MKNK2: variants seen among roughly 807,000 people sequenced by gnomAD.
MKNK2 encodes the protein MAP kinase-interacting serine/threonine-protein kinase 2.
MKNK2 carries 54 observed loss-of-function variants against 55.0 expected under a neutral mutation model. The ratio of observed to expected loss-of-function variants is 0.98; its 90% CI spans 0.79 to 1.23. MKNK2 has a LOEUF of 1.23. MKNK2 is among the 50% of genes most tolerant of loss of function. MKNK2 has a pLI of 0.00. For missense variants in MKNK2, 685 were observed against 632.1 expected, an observed-to-expected ratio of 1.08 and a Z score of -0.90; for synonymous variants, 323 against 256.0, an observed-to-expected ratio of 1.26 and a Z score of -2.50.
intron 12 of MKNK2, chr19:2,040,827 C>T (rs2016861448): frequency 5.1e-6 from 3 of 585,978 alleles, no homozygotes; most frequent in Non-Finnish European, 9.1e-6. Context: ...AGTAGCTGCT[C>T]CTGGGAGCCG....
chr19:2,038,997 C>G lies in MKNK2; in HGVS notation c.*616G>C, dbSNP rs751657443. ...AACTATCATGGGGACAAGGCAGGCGCGGGTGAAGGGCTGGGGGATCCCATG... is the reference window on the plus strand; with the variant it reads ...AACTATCATGGGGACAAGGCAGGCGGGGGTGAAGGGCTGGGGGATCCCATG... On this transcript the variant is annotated 3_prime_UTR_variant, in exon 14 of 14. Coordinates refer to ENST00000250896, the MANE Select transcript of MKNK2 (RefSeq NM_199054.3). The G allele has an allele frequency of 6.9e-6, 6 of 873,296 alleles. No individual in the cohort carries two copies. In the East Asian group the frequency reaches 5.3e-4, roughly 77 times the overall value. The allele number at this position is 873,296 out of a possible 1,614,324, so 54.1% of individuals were successfully genotyped here.
At chr19:2,049,600 G>T (rs1311072563) in intron 2 of MKNK2, among the ~76,000 whole-genome samples, 1 of 152,220 alleles carries the variant, frequency 6.6e-6, no homozygotes, top group Non-Finnish European at 1.5e-5. Context: ...GCCTTGGCAG[G>T]AGGTGGCTGG....
chr19:2,042,595 G>A lies in MKNK2; in HGVS notation c.654+12C>T, dbSNP rs1369308751. 6.4e-7 allele frequency: 1 copy of A among 1,568,082 alleles called. No individual in the cohort carries two copies. ...CCCCTCCCGCGGGGCCACCCTGCCG[G>A]AACTGGCCTACCTGGTTGGGGTGCT... is the stretch of plus-strand genomic sequence containing the variant. On this transcript the variant is annotated intron_variant, in intron 9 of 13. Coordinates refer to ENST00000250896, the MANE Select transcript of MKNK2 (RefSeq NM_199054.3).
chr19:2,042,160 CG>C lies in MKNK2; in HGVS notation c.751-127del, dbSNP rs1465921655. 1.7e-5 allele frequency: 16 copies of C among 966,986 alleles called. No homozygotes were observed. The East Asian group carries it at 4.1e-4, about 25-fold the overall frequency. The allele number at this position is 966,986 out of a possible 1,614,324, so 59.9% of individuals were successfully genotyped here. ...CGCCCCGCCGGGCCCGACCAATCAG[CG>C]GCTGCCGGGAACGCGCCCCCGCCCA... On this transcript the variant is annotated intron_variant, in intron 10 of 13. Transcript: ENST00000250896.
rs7253052 is a variant in MKNK2, at chr19:2,042,887, A to G, written c.494-17T>C. 0.57 allele frequency: 886,038 copies of G among 1,554,374 alleles called. 258,149 individuals carry two copies. Among genetic ancestry groups the G allele is most frequent in the African/African-American group, 0.87 (64,112 of 73,462 alleles). The stretch of plus-strand genomic sequence containing the variant: ...GGATGGAGCCTGGGCAGGGCAGGGC[A>G]GGGCAGGACAGGGGGAACACGCAGG... On this transcript the variant is annotated splice_polypyrimidine_tract_variant and intron_variant, in intron 7 of 13. Transcript: ENST00000250896.
chr19:2,038,737 G>T lies in MKNK2; in HGVS notation c.*876C>A, dbSNP rs963999180. On this transcript the variant is annotated 3_prime_UTR_variant, in exon 14 of 14. Transcript: ENST00000250896. ...AGGGGCACTCGGGTGCCCCAAGGGGGTGTCTTCAGGACCCCCCACATTGGC... is the reference window on the plus strand; with the variant it reads ...AGGGGCACTCGGGTGCCCCAAGGGGTTGTCTTCAGGACCCCCCACATTGGC... 8.1e-6 allele frequency: 8 copies of T among 985,488 alleles called. No homozygotes were observed. The highest frequency in any genetic ancestry group is 9.6e-6 in the Non-Finnish European group (8 of 829,968). The allele number at this position is 985,488 out of a possible 1,614,324, so 61.0% of individuals were successfully genotyped here.
chr19:2,047,696 C>T (rs1312794582), intron 2 of MKNK2, among the ~76,000 whole-genome samples: 2 of 152,084 alleles, frequency 1.3e-5, no homozygotes, highest in South Asian at 4.1e-4. Flanking sequence ...CTCAGTTTCC[C>T]CCATCTAAGA....
At chr19:2,042,332 C>T in intron 10 of MKNK2, 95 bp downstream of exon 10, 1 of 1,171,522 alleles carries the variant, frequency 8.5e-7, no homozygotes, top group Non-Finnish European at 1.2e-6. Flanking sequence ...AGCCCGAGCT[C>T]CGCGGCCTGG....
At chr19:2,042,069 T>C in intron 10 of MKNK2, 35 bp from the exon 11 acceptor site, 1 of 1,452,626 alleles carries the variant, frequency 6.9e-7, no homozygotes, top group Non-Finnish European at 9.1e-7. Context: ...AGCCGGGGTT[T>C]CCCAGCATTA....
intron 1 of MKNK2, 33 bp from the exon 2 acceptor site, chr19:2,050,980 G>A: frequency 1.8e-6 from 1 of 546,818 alleles, no homozygotes; most frequent in South Asian, 3.2e-5. Flanking sequence ...GGAGGGCGGT[G>A]AGCGGAGCCC....
chr19:2,037,845 AAAAAAC>A lies in MKNK2; in HGVS notation c.*1762_*1767del. 1.9e-6 allele frequency: 3 copies of A among 1,577,892 alleles called. No individual in the cohort carries two copies. The highest frequency in any genetic ancestry group is 1.8e-5 in the Admixed American group (1 of 55,096). On this transcript the variant is annotated 3_prime_UTR_variant, in exon 14 of 14. Transcript: ENST00000250896. Reference sequence around the variant, plus strand: ...ACTGTCCCACCTTCAGAAAAAAAAAAAAAAACAAACAAACAAACGCTGCTAGCCACT... The same window carrying A: ...ACTGTCCCACCTTCAGAAAAAAAAAAAAACAAACAAACGCTGCTAGCCACT...
intron 12 of MKNK2, 57 bp downstream of exon 12, chr19:2,040,983 G>A (rs1422729211): frequency 6.4e-7 from 1 of 1,572,476 alleles, no homozygotes; most frequent in Admixed American, 1.7e-5. Flanking sequence ...TGCTCGCTCT[G>A]AGGCCACCCT....
rs1166260087 is a variant in MKNK2 at position 2,038,733 on chromosome 19, G to C, written c.*880C>G. ...GAGAAGGGGCACTCGGGTGCCCCAAGGGGGTGTCTTCAGGACCCCCCACAT... is the reference window on the plus strand; with the variant it reads ...GAGAAGGGGCACTCGGGTGCCCCAACGGGGTGTCTTCAGGACCCCCCACAT... On this transcript the variant is annotated 3_prime_UTR_variant, in exon 14 of 14. Transcript: ENST00000250896. 7.1e-6 allele frequency: 7 copies of C among 985,486 alleles called. No individual in the cohort carries two copies. Among genetic ancestry groups the C allele is most frequent in the Admixed American group, 1.2e-4 (2 of 16,272 alleles). 61.0% of individuals were successfully genotyped at this position (985,486 alleles called of 1,614,324 possible).
chr19:2,048,163 A>C (rs1356794551), intron 2 of MKNK2, among the ~76,000 whole-genome samples: 5 of 151,874 alleles, frequency 3.3e-5, no homozygotes, highest in African/African-American at 1.2e-4. Flanking sequence ...TACCCGGCTA[A>C]GGAAGCCGCC....
intron 2 of MKNK2, 74 bp downstream of exon 2, chr19:2,050,727 G>A (rs112312744): frequency 2.1e-6 from 3 of 1,410,092 alleles, no homozygotes; most frequent in Non-Finnish European, 2.9e-6. Flanking sequence ...TCTTAGGGGC[G>A]GGCCCCGCGC....
intron 5 of MKNK2, among the ~76,000 whole-genome samples, chr19:2,045,193 T>C (rs2016971565): frequency 6.6e-6 from 1 of 152,084 alleles, no homozygotes; most frequent in Non-Finnish European, 1.5e-5. Flanking sequence ...TGTGGCAAGA[T>C]GACCAGGGAG....
At position 2,050,903 on chromosome 19, in the gene MKNK2, G is replaced by T. The variant is rs979909925; in HGVS notation, c.-52C>A. On this transcript the variant is annotated 5_prime_UTR_variant, in exon 2 of 14. Coordinates refer to ENST00000250896, the MANE Select transcript of MKNK2 (RefSeq NM_199054.3). The stretch of plus-strand genomic sequence containing the variant: ...GAGGGGACCGAGGGCCCGGGGGGAG[G>T]CCCGAGGGCGGGCGGCCGGGCGGGG... 1.5e-5 allele frequency: 21 copies of T among 1,407,046 alleles called. No homozygotes were observed. Among genetic ancestry groups the T allele is most frequent in the Non-Finnish European group, 2.0e-5 (21 of 1,055,132 alleles). 87.2% of individuals were successfully genotyped at this position (1,407,046 alleles called of 1,614,324 possible). A position where few individuals can be genotyped will look rare whatever the true frequency, so the allele number is the denominator to read the frequency against.
At chr19:2,045,347 G>A (rs1453368631) in intron 5 of MKNK2, among the ~76,000 whole-genome samples, 3 of 152,180 alleles carry the variant, frequency 2.0e-5, no homozygotes, top group Non-Finnish European at 4.4e-5. Context: ...GTGCTCAGAG[G>A]AACGCCTGCT....
chr19:2,040,797 C>T (rs1310458082), intron 12 of MKNK2: 3 of 549,152 alleles, frequency 5.5e-6, no homozygotes, highest in South Asian at 2.1e-5. Context: ...GTCCCCACCA[C>T]CCTCCAGGAA....
Sources: gnomAD v4.1 joint callset for allele counts (sites outside exome capture counted in the v4.1 genomes callset) on GRCh38, gnomAD v4.1.1 for gene constraint, MANE v1.5 for transcripts, NCBI Gene and HGNC (gene_info 2026-07-23, HGNC 2026-07-21) for gene names.